SEMA3E: variants seen among roughly 807,000 people sequenced by gnomAD.
SEMA3E encodes semaphorin 3E, also known as semaphorin-3E.
SEMA3E carries 49 observed loss-of-function variants against 93.6 expected under a neutral mutation model. The observed-to-expected ratio is 0.52, with a 90% CI of 0.42 to 0.66. SEMA3E has a LOEUF of 0.66. Ranked by LOEUF, SEMA3E falls within the 30% of genes least tolerant of loss-of-function variation. SEMA3E has a pLI of 0.00. For synonymous variants in SEMA3E, 363 were observed against 330.7 expected, an observed-to-expected ratio of 1.10 and a Z score of -1.06; for missense variants, 906 against 964.8, an observed-to-expected ratio of 0.94 and a Z score of 0.81.
intron 5 of SEMA3E, among the ~76,000 whole-genome samples, chr7:83,416,467 G>T (rs1462308044): frequency 2.6e-5 from 4 of 152,006 alleles, no homozygotes; most frequent in Admixed American, 1.3e-4. Context: ...AGTAGTGAGT[G>T]GCAAGGTGGT....
chr7:83,573,911 A>G (rs973548862), intron 1 of SEMA3E, among the ~76,000 whole-genome samples: 6 of 151,964 alleles, frequency 3.9e-5, no homozygotes, highest in African/African-American at 1.4e-4. Flanking sequence ...TTAAAGCTCT[A>G]ATTAATTTAT....
At chr7:83,463,241 A>T (rs1789669699) in intron 4 of SEMA3E, among the ~76,000 whole-genome samples, 1 of 151,784 alleles carries the variant, frequency 6.6e-6, no homozygotes, top group Non-Finnish European at 1.5e-5. Context: ...AGCCAGGACC[A>T]CACCCTGTAG....
In SEMA3E at chr7:83,366,501, C is replaced by T. The variant is rs927940701; in HGVS notation, c.*1085G>A. ...GCAAATCACTTTAATATTTTTTTCA[C>T]AAATAAAACACGGTTGTTATAGTAT... is the stretch of plus-strand genomic sequence containing the variant. On this transcript the variant is annotated 3_prime_UTR_variant, in exon 17 of 17. Transcript: ENST00000643230. 52 of 151,694 alleles carry T rather than the reference C, an allele frequency of 3.4e-4. No individual in the cohort carries two copies. Among genetic ancestry groups the T allele is most frequent in the African/African-American group, 1.3e-3 (52 of 41,344 alleles). 9.4% of individuals were successfully genotyped at this position (151,694 alleles called of 1,614,324 possible).
intron 1 of SEMA3E, among the ~76,000 whole-genome samples, chr7:83,565,349 C>T (rs998047530): frequency 3.3e-5 from 5 of 151,986 alleles, no homozygotes; most frequent in Admixed American, 1.3e-4. Context: ...ACAATGAGAA[C>T]ACGTGGACAC....
chr7:83,622,798 T>C (rs183799590), intron 1 of SEMA3E, among the ~76,000 whole-genome samples: 1 of 151,950 alleles, frequency 6.6e-6, no homozygotes, highest in Non-Finnish European at 1.5e-5. Flanking sequence ...CATGGATACA[T>C]AGAGTAAAAC....
intron 5 of SEMA3E, among the ~76,000 whole-genome samples, chr7:83,416,738 T>C (rs1380208642): frequency 6.6e-6 from 1 of 152,024 alleles, no homozygotes; most frequent in Non-Finnish European, 1.5e-5. Flanking sequence ...AAGTCTCTTT[T>C]TTTCAAACAT....
intron 2 of SEMA3E, among the ~76,000 whole-genome samples, chr7:83,476,085 AGTGACTTATTTCT>A (rs1790002733): frequency 6.6e-6 from 1 of 152,182 alleles, no homozygotes; most frequent in Non-Finnish European, 1.5e-5. Flanking sequence ...AGGGCAAGGC[AGTGACTTATTTCT>A]GTCTCACTAC....
chr7:83,609,188 C>CA, intron 1 of SEMA3E, among the ~76,000 whole-genome samples: 1 of 151,690 alleles, frequency 6.6e-6, no homozygotes, highest in East Asian at 1.9e-4. Flanking sequence ...CTCAATAGTA[C>CA]AAAAAAAGGT....
At position 83,557,383 on chromosome 7, in the gene SEMA3E, T is replaced by G. The variant is rs376308897; in HGVS notation, c.116-67109A>C. 7.9e-5 allele frequency among the ~76,000 whole-genome samples: 12 copies of G among 151,786 alleles called. 1 individual carries two copies. Among genetic ancestry groups the G allele is most frequent in the Admixed American group, 6.6e-5 (1 of 15,240 alleles). On this transcript the variant is annotated intron_variant, in intron 1 of 16. Transcript: ENST00000643230. ...ATCAACATAAATATTGATCAATAAT[T>G]CAAACTAATTAACAAAGCACATCAA...
At chr7:83,561,439 C>T (rs1792027964) in intron 1 of SEMA3E, among the ~76,000 whole-genome samples, 1 of 151,996 alleles carries the variant, frequency 6.6e-6, no homozygotes, top group African/African-American at 2.4e-5. Flanking sequence ...TTTTTGCAAA[C>T]ACTTCAATTT....
intron 1 of SEMA3E, among the ~76,000 whole-genome samples, chr7:83,519,498 A>G (rs147932438): frequency 6.6e-6 from 1 of 152,124 alleles, no homozygotes; most frequent in Non-Finnish European, 1.5e-5. Flanking sequence ...TAAGATTCCT[A>G]GAAATCACCA....
intron 1 of SEMA3E, among the ~76,000 whole-genome samples, chr7:83,532,991 C>T (rs905401282): frequency 1.3e-5 from 2 of 152,026 alleles, no homozygotes; most frequent in African/African-American, 4.8e-5. Flanking sequence ...TTAATGTTTA[C>T]ATGGTTTCCT....
At chr7:83,612,801 G>A (rs1383766333) in intron 1 of SEMA3E, among the ~76,000 whole-genome samples, 5 of 152,058 alleles carry the variant, frequency 3.3e-5, no homozygotes, top group East Asian at 1.9e-4. Flanking sequence ...AGTTTATATA[G>A]TAATTCCCCA....
In SEMA3E at chr7:83,385,274, A is replaced by C; in HGVS notation, c.1875+20T>G. On this transcript the variant is annotated intron_variant, in intron 16 of 16. Coordinates refer to ENST00000643230, the MANE Select transcript of SEMA3E (RefSeq NM_012431.3). The stretch of plus-strand genomic sequence containing the variant: ...ACTATATGCAAAATACTATGTTTTG[A>C]ATATGCAGCTATGAATTACCTCCTC... 6.2e-7 allele frequency: 1 copy of C among 1,611,816 alleles called. No homozygotes were observed. The highest frequency in any genetic ancestry group is 8.5e-7 in the Non-Finnish European group (1 of 1,178,246).
intron 4 of SEMA3E, among the ~76,000 whole-genome samples, chr7:83,450,499 A>C (rs1371362073): frequency 6.6e-6 from 1 of 152,176 alleles, no homozygotes; most frequent in African/African-American, 2.4e-5. Flanking sequence ...TAAGCTAACC[A>C]CACAAAAAAC....
At chr7:83,398,262 G>C (rs530793431) in intron 11 of SEMA3E, among the ~76,000 whole-genome samples, 1 of 152,168 alleles carries the variant, frequency 6.6e-6, no homozygotes, top group East Asian at 1.9e-4. Context: ...AACATTCTTG[G>C]ACTGTTATAT....
At chr7:83,614,313 A>G (rs920386655) in intron 1 of SEMA3E, among the ~76,000 whole-genome samples, 69 of 152,102 alleles carry the variant, frequency 4.5e-4, no homozygotes, top group Non-Finnish European at 9.7e-4. Context: ...GCCAGCCAGA[A>G]GTAGTTTTCC....
In SEMA3E at chr7:83,385,315, T is replaced by C. The variant is rs927545176; in HGVS notation, c.1854A>G (p.Gly618=). ...TTACCTCCTCTTTTCTTGTCTCACG[T>C]CCTTTCTGTACAAACCAGATAACTT... is the stretch of plus-strand genomic sequence containing the variant. ...QAKVIWFVQK[G]RETRKEEVKT... The change falls in exon 16 of 17, where the codon GGA becomes GGG. Residue 618 remains glycine (G), a synonymous_variant. Coordinates refer to ENST00000643230, the MANE Select transcript of SEMA3E (RefSeq NM_012431.3). 1.9e-6 allele frequency: 3 copies of C among 1,613,302 alleles called. No homozygotes were observed. In the African/African-American group the frequency reaches 4.0e-5, roughly 22 times the overall value.
At chr7:83,516,440 A>G (rs1157941062) in intron 1 of SEMA3E, among the ~76,000 whole-genome samples, 1 of 152,226 alleles carries the variant, frequency 6.6e-6, no homozygotes, top group Non-Finnish European at 1.5e-5. Context: ...TAAAGTATTT[A>G]GGAAAAAACA....
Sources: allele counts gnomAD v4.1 joint callset (sites outside exome capture counted in the v4.1 genomes callset), GRCh38; gene constraint gnomAD v4.1.1; transcripts MANE v1.5; gene names NCBI Gene and HGNC (gene_info 2026-07-23, HGNC 2026-07-21).